Variants in DNM3 observed in about 807,000 individuals in gnomAD.
DNM3 encodes dynamin-3.
A neutral mutation model predicts 101.6 loss-of-function variants in DNM3; 47 were observed. That is an observed-to-expected ratio of 0.46 (90% CI 0.37 to 0.59). The LOEUF (loss-of-function observed/expected upper bound fraction) is 0.59. Among genes scored for constraint, DNM3 ranks in the 20% least tolerant of loss-of-function variants. DNM3 has a pLI of 0.00. For synonymous variants in DNM3, 385 were observed against 387.9 expected, an observed-to-expected ratio of 0.99 and a Z score of 0.09; for missense variants, 849 against 1,085.7, an observed-to-expected ratio of 0.78 and a Z score of 3.06.
rs2059645001 is a variant in DNM3, at chr1:172,189,874, C to G, written c.1659+58586C>G. Among the ~76,000 whole-genome samples, 3 of 151,882 alleles carry G rather than the reference C, an allele frequency of 2.0e-5. 1 individual carries two copies. In the South Asian group the frequency reaches 6.2e-4, roughly 32 times the overall value. On this transcript the variant is annotated intron_variant, in intron 14 of 20. Coordinates refer to ENST00000627582, the MANE Select transcript of DNM3 (RefSeq NM_015569.5). ...GGAGGTCCAAGACTCCTTTAAACAA[C>G]CAGAACTCACATGGACTAACTGAGC...
At chr1:171,854,323 G>A (rs2033337280) in intron 1 of DNM3, among the ~76,000 whole-genome samples, 2 of 152,140 alleles carry the variant, frequency 1.3e-5, no homozygotes, top group Non-Finnish European at 2.9e-5. Context: ...CCCTCCTCAT[G>A]TGGTGGTTGT....
intron 15 of DNM3, among the ~76,000 whole-genome samples, chr1:172,254,793 C>A (rs991947782): frequency 1.3e-5 from 2 of 151,916 alleles, no homozygotes; most frequent in African/African-American, 4.8e-5. Context: ...AGAGGATGGA[C>A]TAGAGAAGTA....
intron 11 of DNM3, among the ~76,000 whole-genome samples, chr1:172,069,204 C>T (rs975686930): frequency 6.6e-6 from 1 of 152,064 alleles, no homozygotes; most frequent in Non-Finnish European, 1.5e-5. Flanking sequence ...TGCATACATC[C>T]TACTTTGAAA....
At chr1:171,883,431 C>T (rs2036496018) in intron 1 of DNM3, among the ~76,000 whole-genome samples, 1 of 148,242 alleles carries the variant, frequency 6.7e-6, no homozygotes, top group South Asian at 2.2e-4. Context: ...AGAATGAATA[C>T]CATCAATCTA....
At chr1:171,865,515 C>CAAA (rs57826674) in intron 1 of DNM3, among the ~76,000 whole-genome samples, 35 of 80,604 alleles carry the variant, frequency 4.3e-4, no homozygotes, top group African/African-American at 8.0e-4. Flanking sequence ...GATCCTGTCT[C>CAAA]AAAAAAAAAA....
At chr1:171,921,680 T>G (rs2040182166) in intron 1 of DNM3, 68 bp from the exon 2 acceptor site, 2 of 1,301,016 alleles carry the variant, frequency 1.5e-6, no homozygotes, top group Non-Finnish European at 2.2e-6. Flanking sequence ...GCTGTGGAAC[T>G]TGGTTTATGA....
chr1:172,204,721 T>G (rs1303215493), intron 14 of DNM3, among the ~76,000 whole-genome samples: 1 of 152,146 alleles, frequency 6.6e-6, no homozygotes, highest in East Asian at 1.9e-4. Flanking sequence ...GGTCTTTTCT[T>G]TCTCAAATAC....
intron 5 of DNM3, 71 bp from the exon 6 acceptor site, chr1:172,033,034 G>C: frequency 2.6e-6 from 4 of 1,543,422 alleles, no homozygotes; most frequent in Non-Finnish European, 3.5e-6. Flanking sequence ...GCCTATGTGA[G>C]AGCCTTGAAA....
At chr1:172,098,179 G>A (rs991073835) in intron 13 of DNM3, among the ~76,000 whole-genome samples, 1 of 152,090 alleles carries the variant, frequency 6.6e-6, no homozygotes, top group Non-Finnish European at 1.5e-5. Context: ...GCCTGGGAGC[G>A]ATACGGGAGA....
intron 1 of DNM3, among the ~76,000 whole-genome samples, chr1:171,861,662 T>C (rs543098842): frequency 2.6e-5 from 4 of 152,202 alleles, no homozygotes; most frequent in South Asian, 4.1e-4. Flanking sequence ...GTATAAATCT[T>C]GGTGATTTTA....
intron 14 of DNM3, among the ~76,000 whole-genome samples, chr1:172,246,889 T>G (rs886363242): frequency 7.2e-5 from 11 of 152,150 alleles, no homozygotes; most frequent in African/African-American, 2.4e-4. Flanking sequence ...TTTCCCTGCT[T>G]GCAAACATTC....
At chr1:172,203,645 G>A (rs1307919165) in intron 14 of DNM3, among the ~76,000 whole-genome samples, 1 of 152,098 alleles carries the variant, frequency 6.6e-6, no homozygotes. Context: ...AGTCTGTGAA[G>A]TTAGCTTTTG....
At chr1:171,871,211 C>T (rs1333783750) in intron 1 of DNM3, among the ~76,000 whole-genome samples, 1 of 152,164 alleles carries the variant, frequency 6.6e-6, no homozygotes, top group Non-Finnish European at 1.5e-5. Context: ...CCACTCTATA[C>T]TCAACGCCCA....
chr1:172,193,992 G>A (rs187772972), intron 14 of DNM3, among the ~76,000 whole-genome samples: 30 of 152,000 alleles, frequency 2.0e-4, no homozygotes, highest in Non-Finnish European at 3.7e-4. Flanking sequence ...TCTCTTGTGG[G>A]CATTTAGTGC....
At chr1:172,055,809 G>C (rs533141013) in intron 10 of DNM3, among the ~76,000 whole-genome samples, 70 of 152,272 alleles carry the variant, frequency 4.6e-4, no homozygotes, top group African/African-American at 1.6e-3. Flanking sequence ...TTTTTACACT[G>C]TATGAAAATA....
At chr1:172,234,344 G>C (rs10911350) in intron 14 of DNM3, among the ~76,000 whole-genome samples, 29,607 of 151,902 alleles carry the variant, frequency 0.19, 3,359 homozygotes, top group East Asian at 0.28. Flanking sequence ...TGTGAAGGAC[G>C]TCTTCAAGGA....
intron 20 of DNM3, among the ~76,000 whole-genome samples, chr1:172,404,358 A>AG (rs2149121199): frequency 6.6e-6 from 1 of 150,698 alleles, no homozygotes; most frequent in South Asian, 2.1e-4. Context: ...TTGGAAAAAA[A>AG]TACAATACTA....
chr1:172,037,729 A>G (rs2125822369), intron 6 of DNM3, among the ~76,000 whole-genome samples: 1 of 152,302 alleles, frequency 6.6e-6, no homozygotes, highest in South Asian at 2.1e-4. Flanking sequence ...CAAGCCTTCA[A>G]TAGCAGAGAG....
intron 1 of DNM3, among the ~76,000 whole-genome samples, chr1:171,856,462 G>A (rs1431455953): frequency 2.0e-5 from 3 of 152,126 alleles, no homozygotes; most frequent in African/African-American, 7.2e-5. Context: ...ATTGCTTTGG[G>A]CAATATGGCC....
Sources: allele counts gnomAD v4.1 joint callset (sites outside exome capture counted in the v4.1 genomes callset), GRCh38; gene constraint gnomAD v4.1.1; transcripts MANE v1.5; gene names NCBI Gene and HGNC (gene_info 2026-07-23, HGNC 2026-07-21).